The following TBC1D23 variants were observed in gnomAD, a reference collection of about 807,000 sequenced individuals.
The protein encoded by TBC1D23 is TBC1 domain family member 23, also known as HCV non-structural protein 4A-transactivated protein 1.
TBC1D23 carries 55 observed loss-of-function variants against 91.4 expected under a neutral mutation model. That is an observed-to-expected ratio of 0.60 (90% CI 0.48 to 0.75). The LOEUF is 0.75. Among genes scored for constraint, TBC1D23 ranks in the 30% least tolerant of loss-of-function variants. TBC1D23 has a pLI of 0.00. For missense variants in TBC1D23, 725 were observed against 836.1 expected, an observed-to-expected ratio of 0.87 and a Z score of 1.64; for synonymous variants, 289 against 281.0, an observed-to-expected ratio of 1.03 and a Z score of -0.28.
chr3:100,284,325 ATAATT>A (rs1324880286), intron 4 of TBC1D23, among the ~76,000 whole-genome samples: 3 of 152,038 alleles, frequency 2.0e-5, no homozygotes, highest in African/African-American at 4.8e-5. Context: ...TTTTTAAAAA[ATAATT>A]TAAAAATTAA....
chr3:100,277,539 C>T (rs1442745137), intron 1 of TBC1D23, among the ~76,000 whole-genome samples: 1 of 152,044 alleles, frequency 6.6e-6, no homozygotes, highest in Admixed American at 6.6e-5. Flanking sequence ...GAGGATTGGG[C>T]ATTTTGCAAC....
intron 1 of TBC1D23, among the ~76,000 whole-genome samples, chr3:100,274,768 A>G (rs2067630830): frequency 6.7e-6 from 1 of 148,282 alleles, no homozygotes; most frequent in African/African-American, 2.4e-5. Flanking sequence ...TATATATTAT[A>G]TATAATATAT....
At position 100,283,827 on chromosome 3, in the gene TBC1D23, G is replaced by A. The variant is rs373434348; in HGVS notation, c.476+16G>A. On this transcript the variant is annotated intron_variant, in intron 4 of 18. Coordinates refer to ENST00000394144, the MANE Select transcript of TBC1D23 (RefSeq NM_001199198.3). ...ACATTCCCAGGTAAAATATGATTCA[G>A]TTATTGTAGTTTTTAAAAGTGAATA... 3.2e-6 allele frequency: 5 copies of A among 1,548,134 alleles called. No homozygotes were observed. The highest frequency in any genetic ancestry group is 4.5e-6 in the Non-Finnish European group (5 of 1,122,384).
intron 5 of TBC1D23, among the ~76,000 whole-genome samples, chr3:100,293,235 G>A (rs2067808358): frequency 2.6e-5 from 4 of 152,124 alleles, no homozygotes; most frequent in Non-Finnish European, 4.4e-5. Flanking sequence ...CTGGGTTCAC[G>A]CCATTCTTCT....
intron 1 of TBC1D23, among the ~76,000 whole-genome samples, chr3:100,276,014 G>C (rs1328367961): frequency 2.0e-5 from 3 of 151,942 alleles, no homozygotes; most frequent in Admixed American, 2.0e-4. Context: ...AGGGTAGGAG[G>C]TGCTGGTGGG....
chr3:100,275,438 C>A (rs968991704), intron 1 of TBC1D23, among the ~76,000 whole-genome samples: 8 of 152,074 alleles, frequency 5.3e-5, no homozygotes, highest in Admixed American at 5.2e-4. Context: ...CAGCTGCATA[C>A]CACTACAACT....
rs1705740598 is a variant in TBC1D23 at position 100,316,146 on chromosome 3, A to G, written c.1646A>G (p.Lys549Arg). The G allele has an allele frequency of 6.2e-7, 1 of 1,614,168 alleles. No homozygotes were observed. Among genetic ancestry groups the G allele is most frequent in the Non-Finnish European group, 8.5e-7 (1 of 1,180,006 alleles). The change falls in exon 16 of 19, where the codon AAG (lysine) becomes AGG (arginine). Residue 549 changes from lysine to arginine, a missense_variant. Lys to Arg is a conservative substitution (Grantham distance 26, BLOSUM62 2). Transcript: ENST00000394144. ...GTGGGCAAGCCTTACCGTGGCGTAAAGCCTGTTTTCAGCATTGGGGATGAA... is the reference window on the plus strand; with the variant it reads ...GTGGGCAAGCCTTACCGTGGCGTAAGGCCTGTTTTCAGCATTGGGGATGAA... Reference protein sequence around the residue: ...DRVGKPYRGVKPVFSIGDEEE... With the variant: ...DRVGKPYRGVRPVFSIGDEEE...
Position 100,311,880 on chromosome 3 carries a change from AAGCCAATG to A in TBC1D23, c.1598+6_1598+13del. ...CCAGACAGATCATGTACAGAGCGGT[AAGCCAATG>A]AGTAGAGCATTTTTCTTGAACCATC... On this transcript the variant is annotated splice_donor_5th_base_variant and intron_variant, in intron 15 of 18. Transcript: ENST00000394144. 1 of 1,531,632 alleles carries A rather than the reference AAGCCAATG, an allele frequency of 6.5e-7. No homozygotes were observed. The highest frequency in any genetic ancestry group is 8.8e-7 in the Non-Finnish European group (1 of 1,142,500). The allele number at this position is 1,531,632 out of a possible 1,614,324, so 94.9% of individuals were successfully genotyped here. A position where few individuals can be genotyped will look rare whatever the true frequency, so the allele number is the denominator to read the frequency against.
chr3:100,323,147 TTAAA>T (rs1399923860), intron 18 of TBC1D23, among the ~76,000 whole-genome samples: 2 of 152,226 alleles, frequency 1.3e-5, no homozygotes, highest in African/African-American at 4.8e-5. Flanking sequence ...TTTAGTGAAC[TTAAA>T]TTATTTGCTT....
At chr3:100,268,649 G>C (rs543195151) in intron 1 of TBC1D23, among the ~76,000 whole-genome samples, 3 of 152,164 alleles carry the variant, frequency 2.0e-5, no homozygotes, top group Admixed American at 6.5e-5. Context: ...TGCTGTTTTC[G>C]TGCCATTCTC....
At chr3:100,274,896 C>CA (rs2067634628) in intron 1 of TBC1D23, among the ~76,000 whole-genome samples, 1 of 127,600 alleles carries the variant, frequency 7.8e-6, no homozygotes, top group African/African-American at 2.7e-5. Flanking sequence ...CAGTACACAC[C>CA]CCCCCCCTTT....
Position 100,290,611 on chromosome 3 carries a change from C to A in TBC1D23, c.510C>A (p.Leu170=). ...CCCAGAAAGGGAGACCATTTCATCT[C>A]TTCAGGTTGCTCATCCAATACCATG... ...DCSQKGRPFH[L]FRLLIQYHEP... is the part of the protein sequence containing the mutation. The change falls in exon 5 of 19, where the codon CTC becomes CTA. Residue 170 remains leucine, a synonymous_variant. Transcript: ENST00000394144. 1 of 1,614,004 alleles carries A rather than the reference C, an allele frequency of 6.2e-7. No homozygotes were observed. The highest frequency in any genetic ancestry group is 8.5e-7 in the Non-Finnish European group (1 of 1,179,922).
chr3:100,319,728 A>G (rs1003760833), intron 17 of TBC1D23, among the ~76,000 whole-genome samples: 3 of 152,040 alleles, frequency 2.0e-5, no homozygotes, highest in Admixed American at 2.0e-4. Context: ...GTGGCCGGCC[A>G]TGATTCTTAG....
chr3:100,318,640 G>A (rs1183144135), intron 16 of TBC1D23, among the ~76,000 whole-genome samples: 2 of 149,630 alleles, frequency 1.3e-5, no homozygotes, highest in South Asian at 2.1e-4. Flanking sequence ...AATTGATTGC[G>A]TTATTCTTTT....
intron 7 of TBC1D23, among the ~76,000 whole-genome samples, chr3:100,295,712 C>G (rs1053584552): frequency 6.6e-6 from 1 of 152,162 alleles, no homozygotes; most frequent in Admixed American, 6.5e-5. Flanking sequence ...TTTGGATTCT[C>G]CCCACCATAT....
In TBC1D23 at chr3:100,268,452, G is replaced by C. The variant is rs149804361; in HGVS notation, c.53+7381G>C. 1.5e-3 allele frequency among the ~76,000 whole-genome samples: 232 copies of C among 152,126 alleles called. 1 individual carries two copies. The highest frequency in any genetic ancestry group is 5.3e-3 in the African/African-American group (220 of 41,520). ...CCAAACTATGATCCCCATTGGCATAGTACCCTTGAGAATTGTCCAAATGTT... is the reference window on the plus strand; with the variant it reads ...CCAAACTATGATCCCCATTGGCATACTACCCTTGAGAATTGTCCAAATGTT... On this transcript the variant is annotated intron_variant, in intron 1 of 18. Coordinates refer to ENST00000394144, the MANE Select transcript of TBC1D23 (RefSeq NM_001199198.3).
chr3:100,275,693 C>A (rs1185819093), intron 1 of TBC1D23, among the ~76,000 whole-genome samples: 2 of 152,034 alleles, frequency 1.3e-5, no homozygotes, highest in Non-Finnish European at 2.9e-5. Context: ...TACACTTAAC[C>A]AGTTGAACTA....
Position 100,290,606 on chromosome 3 carries a change from C to T in TBC1D23, c.505C>T (p.His169Tyr). Residue 169 changes from histidine (H) to tyrosine (Y), a missense_variant, in exon 5 of 19, where the codon CAT becomes TAT. Physicochemically the swap from His to Tyr is moderately conservative, Grantham distance 83. Coordinates refer to ENST00000394144, the MANE Select transcript of TBC1D23 (RefSeq NM_001199198.3). ...TTGTTCCCAGAAAGGGAGACCATTT[C>T]ATCTCTTCAGGTTGCTCATCCAATA... The part of the protein sequence containing the change: ...RDCSQKGRPF[H>Y]LFRLLIQYHE... 1 of 1,613,868 alleles carries T rather than the reference C, an allele frequency of 6.2e-7. No homozygotes were observed. Among genetic ancestry groups the T allele is most frequent in the Non-Finnish European group, 8.5e-7 (1 of 1,179,862 alleles).
chr3:100,286,549 G>T (rs886932724), intron 4 of TBC1D23, among the ~76,000 whole-genome samples: 1 of 151,522 alleles, frequency 6.6e-6, no homozygotes, highest in Non-Finnish European at 1.5e-5. Context: ...CCAAGCTGGA[G>T]TGCAGTGGCA....
Sources: allele counts gnomAD v4.1 joint callset (sites outside exome capture counted in the v4.1 genomes callset), GRCh38; gene constraint gnomAD v4.1.1; transcripts MANE v1.5; gene names NCBI Gene and HGNC (gene_info 2026-07-23, HGNC 2026-07-21).